The following SEMA5A variants were observed in gnomAD, a reference collection of about 807,000 sequenced individuals.
SEMA5A encodes semaphorin 5A.
A neutral mutation model predicts 135.5 loss-of-function variants in SEMA5A; 55 were observed. That is an observed-to-expected ratio of 0.41 (90% CI 0.33 to 0.51). The LOEUF (loss-of-function observed/expected upper bound fraction) is 0.51. Ranked by LOEUF, SEMA5A falls within the 20% of genes least tolerant of loss-of-function variation. The probability of loss-of-function intolerance (pLI) is 0.37; values close to 1 mark genes in which losing one functional copy is unlikely to be tolerated. For missense variants in SEMA5A, 1,290 were observed against 1,419.9 expected, an observed-to-expected ratio of 0.91 and a Z score of 1.47; for synonymous variants, 580 against 546.5, an observed-to-expected ratio of 1.06 and a Z score of -0.85.
At chr5:9,533,826 GAC>G (rs1387921728) in intron 1 of SEMA5A, among the ~76,000 whole-genome samples, 7 of 152,134 alleles carry the variant, frequency 4.6e-5, no homozygotes, top group African/African-American at 1.4e-4. Context: ...ACATAGGAAA[GAC>G]ACAAAAGATC....
intron 5 of SEMA5A, among the ~76,000 whole-genome samples, chr5:9,254,476 G>T (rs964923351): frequency 3.9e-5 from 6 of 152,158 alleles, no homozygotes; most frequent in African/African-American, 1.2e-4. Flanking sequence ...TCTGTGAGAA[G>T]TGGAAAAACA....
intron 1 of SEMA5A, among the ~76,000 whole-genome samples, chr5:9,513,880 G>A (rs1316433727): frequency 6.6e-6 from 1 of 152,126 alleles, no homozygotes; most frequent in African/African-American, 2.4e-5. Flanking sequence ...GGAGTGGAAC[G>A]TTAGTTTCCT....
chr5:9,463,901 G>A (rs1759153222), intron 1 of SEMA5A, among the ~76,000 whole-genome samples: 1 of 152,176 alleles, frequency 6.6e-6, no homozygotes. Context: ...GGCTTTGGGG[G>A]AACATTATCT....
chr5:9,372,519 T>G (rs924895751), intron 3 of SEMA5A, among the ~76,000 whole-genome samples: 5 of 151,436 alleles, frequency 3.3e-5, no homozygotes, highest in Admixed American at 6.6e-5. Context: ...AGGGATGGGA[T>G]ATGCATGGAT....
At chr5:9,067,858 T>G (rs1737561173) in intron 16 of SEMA5A, among the ~76,000 whole-genome samples, 1 of 152,196 alleles carries the variant, frequency 6.6e-6, no homozygotes, top group Non-Finnish European at 1.5e-5. Flanking sequence ...TATCTTCATC[T>G]TTTGCTTTAG....
intron 16 of SEMA5A, among the ~76,000 whole-genome samples, chr5:9,074,145 G>C (rs1355933934): frequency 6.6e-6 from 1 of 152,150 alleles, no homozygotes; most frequent in African/African-American, 2.4e-5. Flanking sequence ...CATCAAGATA[G>C]AAAGACTGAG....
intron 11 of SEMA5A, among the ~76,000 whole-genome samples, chr5:9,162,929 A>C (rs1266862243): frequency 6.6e-6 from 1 of 152,136 alleles, no homozygotes; most frequent in Admixed American, 6.6e-5. Flanking sequence ...GAATTTTTGA[A>C]GGTATTTTTG....
intron 1 of SEMA5A, among the ~76,000 whole-genome samples, chr5:9,535,840 C>G (rs148198265): frequency 6.6e-6 from 1 of 152,306 alleles, no homozygotes; most frequent in East Asian, 1.9e-4. Context: ...AGTTACCCCA[C>G]GGGCAGATGC....
At chr5:9,106,261 A>T (rs1486569349) in intron 16 of SEMA5A, among the ~76,000 whole-genome samples, 1 of 152,256 alleles carries the variant, frequency 6.6e-6, no homozygotes, top group Non-Finnish European at 1.5e-5. Flanking sequence ...AGCAGTGGTT[A>T]CATTTGTTTC....
At chr5:9,360,926 T>A (rs907083860) in intron 3 of SEMA5A, among the ~76,000 whole-genome samples, 1 of 152,140 alleles carries the variant, frequency 6.6e-6, no homozygotes, top group South Asian at 2.1e-4. Flanking sequence ...ATTAAAAACA[T>A]AGTCATTCTC....
rs70943947 is a variant in SEMA5A, at chr5:9,207,102, G to GTA, written c.647-4864_647-4863dup. On this transcript the variant is annotated intron_variant, in intron 8 of 22. Coordinates refer to ENST00000382496, the MANE Select transcript of SEMA5A (RefSeq NM_003966.3). Reference sequence around the variant, plus strand: ...ACATAATGATAATGAATGATCAAGTGTATATATATATATATATATATATAT... The same window carrying GTA: ...ACATAATGATAATGAATGATCAAGTGTATATATATATATATATATATATATAT... Among the ~76,000 whole-genome samples, 573 of 97,648 alleles carry GTA rather than the reference G, an allele frequency of 5.9e-3. 19 individuals are homozygous for GTA. The highest frequency in any genetic ancestry group is 0.041 in the Admixed American group (371 of 8,986). 64.1% of individuals were successfully genotyped at this position (97,648 alleles called of 152,430 possible). A position where few individuals can be genotyped will look rare whatever the true frequency, so the allele number is the denominator to read the frequency against.
Position 9,037,611 on chromosome 5 carries a change from C to A in SEMA5A, c.*5286G>T, listed in dbSNP as rs909304120. The A allele has an allele frequency of 1.3e-5, 2 of 152,084 alleles. No homozygotes were observed. Among genetic ancestry groups the A allele is most frequent in the Non-Finnish European group, 2.9e-5 (2 of 68,024 alleles). The allele number at this position is 152,084 out of a possible 1,614,324, so 9.4% of individuals were successfully genotyped here. A position where few individuals can be genotyped will look rare whatever the true frequency, so the allele number is the denominator to read the frequency against. ...TAAAGAGTCGTTTTAGAAATCATCACCAGCAGTTCAACATTACATCTTATT... is the reference window on the plus strand; with the variant it reads ...TAAAGAGTCGTTTTAGAAATCATCAACAGCAGTTCAACATTACATCTTATT... On this transcript the variant is annotated 3_prime_UTR_variant, in exon 23 of 23. Coordinates refer to ENST00000382496, the MANE Select transcript of SEMA5A (RefSeq NM_003966.3).
intron 16 of SEMA5A, among the ~76,000 whole-genome samples, chr5:9,075,486 A>T (rs1039493591): frequency 5.3e-5 from 8 of 152,218 alleles, no homozygotes; most frequent in African/African-American, 1.7e-4. Flanking sequence ...ATCAGCAATT[A>T]AAAGAAATGA....
intron 15 of SEMA5A, among the ~76,000 whole-genome samples, chr5:9,109,651 C>A (rs1433793163): frequency 1.3e-5 from 2 of 152,080 alleles, no homozygotes; most frequent in Non-Finnish European, 2.9e-5. Flanking sequence ...GTAAGTCAGT[C>A]ACCTTTATTG....
At chr5:9,369,498 C>A (rs1396403436) in intron 3 of SEMA5A, among the ~76,000 whole-genome samples, 1 of 152,152 alleles carries the variant, frequency 6.6e-6, no homozygotes, top group East Asian at 1.9e-4. Context: ...GGTCTGTCAT[C>A]CCTATCAGGT....
At chr5:9,064,256 G>T (rs1737336957) in intron 17 of SEMA5A, among the ~76,000 whole-genome samples, 1 of 152,178 alleles carries the variant, frequency 6.6e-6, no homozygotes, top group South Asian at 2.1e-4. Context: ...GTCCCATTTT[G>T]TGTTTTCAAG....
At chr5:9,069,928 C>A (rs1384652567) in intron 16 of SEMA5A, among the ~76,000 whole-genome samples, 2 of 152,202 alleles carry the variant, frequency 1.3e-5, no homozygotes, top group Middle Eastern at 3.2e-3. Context: ...AAGCCATAAA[C>A]CCTTGTCTTG....
intron 4 of SEMA5A, among the ~76,000 whole-genome samples, chr5:9,332,413 G>A (rs571964341): frequency 7.2e-4 from 108 of 150,716 alleles, no homozygotes; most frequent in African/African-American, 2.6e-3. Context: ...TCAGGTATGT[G>A]AGGCTTGCAG....
intron 5 of SEMA5A, among the ~76,000 whole-genome samples, chr5:9,250,150 G>A (rs1055058938): frequency 6.6e-6 from 1 of 152,124 alleles, no homozygotes; most frequent in South Asian, 2.1e-4. Context: ...TGATGTAGAG[G>A]TCATTGCAGG....
Sources: gnomAD v4.1 joint callset for allele counts (sites outside exome capture counted in the v4.1 genomes callset) on GRCh38, gnomAD v4.1.1 for gene constraint, MANE v1.5 for transcripts, NCBI Gene and HGNC (gene_info 2026-07-23, HGNC 2026-07-21) for gene names.